PRKG1: variants seen among roughly 807,000 people sequenced by gnomAD.
PRKG1 encodes the protein protein kinase cGMP-dependent 1.
PRKG1 carries 35 observed loss-of-function variants against 88.1 expected under a neutral mutation model. The ratio of observed to expected loss-of-function variants is 0.40; its 90% CI spans 0.30 to 0.53. The LOEUF (loss-of-function observed/expected upper bound fraction) is 0.53, where lower values mean the gene tolerates loss of function less well. Ranked by LOEUF, PRKG1 falls within the 20% of genes least tolerant of loss-of-function variation. The probability of loss-of-function intolerance (pLI) is 0.59; values close to 1 mark genes in which losing one functional copy is unlikely to be tolerated. For missense variants in PRKG1, 540 were observed against 839.8 expected, an observed-to-expected ratio of 0.64 and a Z score of 4.41; for synonymous variants, 303 against 292.5, an observed-to-expected ratio of 1.04 and a Z score of -0.37.
rs577012870 is a variant in PRKG1, at chr10:52,128,892, C to T, written c.936-4948C>T. On this transcript the variant is annotated intron_variant, in intron 7 of 17. Transcript: ENST00000373980. ...GTGGACTGTTATGTGGCTAGATATA[C>T]ATTTATTTATTATAAAAAAGCAAGT... 2.3e-3 allele frequency among the ~76,000 whole-genome samples: 346 copies of T among 152,126 alleles called. 1 individual carries two copies. Among genetic ancestry groups the T allele is most frequent in the Non-Finnish European group, 4.4e-3 (298 of 68,024 alleles).
At chr10:51,077,240 C>A (rs1005289263) in intron 1 of PRKG1, among the ~76,000 whole-genome samples, 1 of 152,212 alleles carries the variant, frequency 6.6e-6, no homozygotes, top group Non-Finnish European at 1.5e-5. Context: ...TTTGATTACA[C>A]GGACTTACTG....
intron 4 of PRKG1, among the ~76,000 whole-genome samples, chr10:51,900,255 A>G (rs552534184): frequency 6.6e-6 from 1 of 152,322 alleles, no homozygotes; most frequent in East Asian, 1.9e-4. Context: ...TAGCAGCAAA[A>G]GGGAGGTTTA....
At chr10:52,070,117 T>C (rs1232805562) in intron 7 of PRKG1, among the ~76,000 whole-genome samples, 2 of 152,206 alleles carry the variant, frequency 1.3e-5, no homozygotes, top group Admixed American at 6.5e-5. Context: ...TCATTATTAT[T>C]ACTGTATTTT....
intron 3 of PRKG1, among the ~76,000 whole-genome samples, chr10:51,728,563 C>A (rs1842196718): frequency 1.9e-5 from 1 of 52,972 alleles, no homozygotes; most frequent in Non-Finnish European, 3.6e-5. Flanking sequence ...TATATTATTA[C>A]AGAGTACTTA....
At chr10:51,122,190 TA>T (rs1221492236) in intron 1 of PRKG1, among the ~76,000 whole-genome samples, 1 of 152,194 alleles carries the variant, frequency 6.6e-6, no homozygotes, top group Non-Finnish European at 1.5e-5. Flanking sequence ...CCCTTTGGTC[TA>T]AAGCAATGGA....
Position 51,895,541 on chromosome 10 carries a change from G to A in PRKG1, c.699-11966G>A, listed in dbSNP as rs564210167. Among the ~76,000 whole-genome samples, 27 of 152,276 alleles carry A rather than the reference G, an allele frequency of 1.8e-4. No individual in the cohort carries two copies. In the East Asian group the frequency reaches 5.2e-3, roughly 29 times the overall value. The stretch of plus-strand genomic sequence containing the variant: ...GGTTTCTGTGTGTTTGGAGTGGACT[G>A]ATTTTGGTAGACAAAGCTTGGCTGC... On this transcript the variant is annotated intron_variant, in intron 4 of 17. Coordinates refer to ENST00000373980, the MANE Select transcript of PRKG1 (RefSeq NM_006258.4).
At chr10:51,168,359 C>A (rs531800168) in intron 2 of PRKG1, among the ~76,000 whole-genome samples, 2 of 152,164 alleles carry the variant, frequency 1.3e-5, no homozygotes, top group South Asian at 4.2e-4. Context: ...AAGTGTAAAA[C>A]AATGGCATGC....
chr10:52,271,241 A>T (rs1264924133), intron 10 of PRKG1, 109 bp from the exon 11 acceptor site: 3 of 1,146,400 alleles, frequency 2.6e-6, no homozygotes, highest in Non-Finnish European at 3.7e-6. Flanking sequence ...TTGACTTGGG[A>T]GGTGGCTGAG....
chr10:52,162,716 T>C (rs1016912801), intron 9 of PRKG1, among the ~76,000 whole-genome samples: 1 of 152,308 alleles, frequency 6.6e-6, no homozygotes. Context: ...TAAAATAATG[T>C]ATTTTGCTTT....
intron 9 of PRKG1, among the ~76,000 whole-genome samples, chr10:52,246,414 TTG>T (rs139084503): frequency 0.1 from 15,492 of 152,240 alleles, 997 homozygotes; most frequent in Middle Eastern, 0.18. Context: ...TATTGTTTTC[TTG>T]TTTCTAAACC....
intron 4 of PRKG1, among the ~76,000 whole-genome samples, chr10:51,865,588 A>G (rs905808238): frequency 3.9e-5 from 6 of 152,140 alleles, no homozygotes; most frequent in African/African-American, 1.4e-4. Context: ...ATGTAATTTC[A>G]TTTAGAGTAT....
chr10:51,559,235 T>A (rs1837394548), intron 3 of PRKG1, among the ~76,000 whole-genome samples: 1 of 152,036 alleles, frequency 6.6e-6, no homozygotes, highest in African/African-American at 2.4e-5. Flanking sequence ...CAGCATGTAT[T>A]ACTTCATCAG....
intron 2 of PRKG1, among the ~76,000 whole-genome samples, chr10:51,253,835 C>G (rs1258136818): frequency 6.6e-6 from 1 of 151,938 alleles, no homozygotes; most frequent in Non-Finnish European, 1.5e-5. Flanking sequence ...GAACGTAGAT[C>G]TTATACTATT....
At chr10:51,846,495 C>A (rs1343402971) in intron 4 of PRKG1, among the ~76,000 whole-genome samples, 1 of 152,144 alleles carries the variant, frequency 6.6e-6, no homozygotes, top group Non-Finnish European at 1.5e-5. Flanking sequence ...TCTACTAAAT[C>A]TATAATGCAA....
intron 2 of PRKG1, among the ~76,000 whole-genome samples, chr10:51,403,903 T>A (rs1182521583): frequency 6.6e-6 from 1 of 152,230 alleles, no homozygotes; most frequent in East Asian, 1.9e-4. Flanking sequence ...TTTGAAAGTG[T>A]TCTGTCATTT....
At chr10:51,149,887 A>G (rs113445473) in intron 1 of PRKG1, among the ~76,000 whole-genome samples, 4,859 of 152,186 alleles carry the variant, frequency 0.032, 127 homozygotes, top group South Asian at 0.061. Flanking sequence ...CACCCAAGCC[A>G]GACAGCCAGA....
intron 10 of PRKG1, among the ~76,000 whole-genome samples, chr10:52,268,674 G>C (rs539348439): frequency 7.0e-4 from 107 of 151,972 alleles, no homozygotes; most frequent in African/African-American, 2.5e-3. Flanking sequence ...GCATATACTG[G>C]AAATAGCTTG....
At chr10:51,839,566 G>T (rs922158569) in intron 4 of PRKG1, among the ~76,000 whole-genome samples, 8 of 152,206 alleles carry the variant, frequency 5.3e-5, no homozygotes, top group Non-Finnish European at 1.2e-4. Flanking sequence ...CTTTTGGGAA[G>T]TGTGTGAAAC....
At chr10:51,654,483 G>A (rs1840114880) in intron 3 of PRKG1, among the ~76,000 whole-genome samples, 1 of 151,986 alleles carries the variant, frequency 6.6e-6, no homozygotes, top group African/African-American at 2.4e-5. Flanking sequence ...AGTGCATTTT[G>A]CTGAAGATTC....
Sources: gnomAD v4.1 joint callset for allele counts (sites outside exome capture counted in the v4.1 genomes callset) on GRCh38, gnomAD v4.1.1 for gene constraint, MANE v1.5 for transcripts, NCBI Gene and HGNC (gene_info 2026-07-23, HGNC 2026-07-21) for gene names.